Variants in TBC1D30 observed in about 807,000 individuals in gnomAD.
TBC1D30 encodes TBC1 domain family member 30.
TBC1D30 carries 31 observed loss-of-function variants against 63.2 expected under a neutral mutation model. The ratio of observed to expected loss-of-function variants is 0.49; its 90% CI spans 0.37 to 0.66. TBC1D30 has a LOEUF of 0.66. TBC1D30 is among the 30% of genes least tolerant of loss of function. The pLI, the probability that TBC1D30 is intolerant of heterozygous loss-of-function variation, is 0.00. For missense variants in TBC1D30, 810 were observed against 953.6 expected (o/e 0.85, Z 1.98); for synonymous variants, 307 against 361.5 (o/e 0.85, Z 1.71).
intron 1 of TBC1D30, among the ~76,000 whole-genome samples, chr12:64,774,868 A>G (rs973073322): frequency 2.0e-5 from 3 of 152,064 alleles, no homozygotes; most frequent in African/African-American, 4.8e-5. Context: ...CAAGGTGGGC[A>G]CATTACTTGA....
At chr12:64,849,108 T>G (rs1324714925) in intron 8 of TBC1D30, among the ~76,000 whole-genome samples, 1 of 152,256 alleles carries the variant, frequency 6.6e-6, no homozygotes. Context: ...CTTTGCCCAC[T>G]TTTTGATGGG....
At chr12:64,791,949 G>C (rs1456066) in intron 2 of TBC1D30, among the ~76,000 whole-genome samples, 2 of 151,904 alleles carry the variant, frequency 1.3e-5, no homozygotes, top group Admixed American at 6.6e-5. Context: ...TGTATCTTCT[G>C]TTTCTTCTTG....
At chr12:64,799,231 C>T (rs1463148281) in intron 2 of TBC1D30, among the ~76,000 whole-genome samples, 2 of 152,060 alleles carry the variant, frequency 1.3e-5, no homozygotes, top group African/African-American at 4.8e-5. Flanking sequence ...GGGCTCAGAT[C>T]CCAGTTTTGC....
At chr12:64,859,352 A>C (rs879676444) in intron 8 of TBC1D30, among the ~76,000 whole-genome samples, 23 of 152,248 alleles carry the variant, frequency 1.5e-4, no homozygotes, top group Admixed American at 4.6e-4. Context: ...TATTTGCTGG[A>C]GTTCTAAGGC....
At chr12:64,873,351 T>C (rs1878801371) in intron 11 of TBC1D30, among the ~76,000 whole-genome samples, 1 of 152,110 alleles carries the variant, frequency 6.6e-6, no homozygotes, top group Non-Finnish European at 1.5e-5. Flanking sequence ...AATGAAAAGA[T>C]TGTTTGGCAT....
At chr12:64,845,233 C>T (rs897653272) in intron 8 of TBC1D30, among the ~76,000 whole-genome samples, 89 of 152,280 alleles carry the variant, frequency 5.8e-4, no homozygotes, top group Non-Finnish European at 1.1e-3. Flanking sequence ...TACATTCCCA[C>T]CAACAGTGTA....
intron 1 of TBC1D30, among the ~76,000 whole-genome samples, chr12:64,769,540 C>G (rs1870831569): frequency 8.3e-6 from 1 of 120,968 alleles, no homozygotes. Flanking sequence ...CCACGCTGGG[C>G]TATTTTTTTT....
rs140476424 is a variant in TBC1D30 at position 64,780,918 on chromosome 12, C to T, written c.110C>T (p.Pro37Leu). The T allele has an allele frequency of 1.8e-4, 191 of 1,039,576 alleles. 3 individuals carry two copies. The East Asian group carries it at 0.017, about 93-fold the overall frequency. The allele number at this position is 1,039,576 out of a possible 1,614,324, so 64.4% of individuals were successfully genotyped here. Residue 37 changes from proline to leucine, a missense_variant, in exon 1 of 13, where the codon CCT becomes CTT. Physicochemically the swap from Pro to Leu is moderately conservative, Grantham distance 98. Transcript: ENST00000542120. The stretch of plus-strand genomic sequence containing the variant: ...GAGAGTCAGGAGGAAGAAACGATTC[C>T]TGCAGCTCCCCCAGCCCCGCGCCTC...
At chr12:64,817,109 G>A (rs1282735749) in intron 2 of TBC1D30, among the ~76,000 whole-genome samples, 1 of 152,160 alleles carries the variant, frequency 6.6e-6, no homozygotes, top group Non-Finnish European at 1.5e-5. Context: ...AAGTGAGTGA[G>A]GGCACTAGAG....
At chr12:64,830,537 T>C in intron 4 of TBC1D30, 35 bp downstream of exon 4, 2 of 1,495,396 alleles carry the variant, frequency 1.3e-6, no homozygotes, top group Non-Finnish European at 1.8e-6. Context: ...CATCCTAATA[T>C]AGAAGAAAGA....
intron 5 of TBC1D30, among the ~76,000 whole-genome samples, chr12:64,834,101 A>G (rs1430951861): frequency 6.6e-6 from 1 of 152,182 alleles, no homozygotes; most frequent in East Asian, 1.9e-4. Flanking sequence ...CCCCACGAAA[A>G]TGGGCTCCAT....
At chr12:64,816,375 G>T (rs1873537478) in intron 2 of TBC1D30, among the ~76,000 whole-genome samples, 1 of 152,180 alleles carries the variant, frequency 6.6e-6, no homozygotes, top group South Asian at 2.1e-4. Flanking sequence ...GTAATACCTT[G>T]TAGAAATATT....
chr12:64,843,488 G>C lies in TBC1D30; in HGVS notation c.1038+3G>C. On this transcript the variant is annotated splice_donor_region_variant and intron_variant, in intron 8 of 11. Transcript: ENST00000539867. ...TGCAAAGCCATGAACTCATGCAGGT[G>C]AGTCGGCAACATGGAGCAGCTTGGC... 6.5e-7 allele frequency: 1 copy of C among 1,535,724 alleles called. No individual in the cohort carries two copies. The highest frequency in any genetic ancestry group is 8.7e-7 in the Non-Finnish European group (1 of 1,146,572).
chr12:64,869,063 C>G (rs963363564), intron 10 of TBC1D30, among the ~76,000 whole-genome samples: 1 of 151,760 alleles, frequency 6.6e-6, no homozygotes, highest in African/African-American at 2.4e-5. Context: ...TTCTCTACGT[C>G]CTTTCTTGTC....
chr12:64,816,854 T>C (rs929352615), intron 2 of TBC1D30, among the ~76,000 whole-genome samples: 1 of 150,230 alleles, frequency 6.7e-6, no homozygotes, highest in African/African-American at 2.4e-5. Context: ...TCTATCAGGG[T>C]GTTGCTCTGT....
At chr12:64,762,601 G>T (rs983779759) in intron 1 of TBC1D30, among the ~76,000 whole-genome samples, 1 of 151,984 alleles carries the variant, frequency 6.6e-6, no homozygotes, top group East Asian at 1.9e-4. Context: ...AAAATATAAC[G>T]TTATAAATTT....
intron 7 of TBC1D30, among the ~76,000 whole-genome samples, chr12:64,840,611 A>G (rs1268211356): frequency 6.6e-6 from 1 of 152,188 alleles, no homozygotes; most frequent in Non-Finnish European, 1.5e-5. Context: ...TAAAGTACGC[A>G]CTGTTGTCAT....
chr12:64,821,409 G>C (rs535740608), upstream of TBC1D30, among the ~76,000 whole-genome samples: 4 of 152,292 alleles, frequency 2.6e-5, no homozygotes, highest in Admixed American at 6.5e-5. Flanking sequence ...TTGTAGAACA[G>C]AGCTGATTGC....
At chr12:64,870,533 T>A (rs1878569911) in intron 10 of TBC1D30, 69 bp from the exon 11 acceptor site, 1 of 1,271,760 alleles carries the variant, frequency 7.9e-7, no homozygotes, top group South Asian at 1.3e-5. Context: ...AGTTGTAGTG[T>A]TATCAATTTC....
Sources: allele counts gnomAD v4.1 joint callset (sites outside exome capture counted in the v4.1 genomes callset), GRCh38; gene constraint gnomAD v4.1.1; transcripts MANE v1.5; gene names NCBI Gene and HGNC (gene_info 2026-07-23, HGNC 2026-07-21).